The following SLC25A26 variants were observed in gnomAD, a reference collection of about 807,000 sequenced individuals.
The protein encoded by SLC25A26 is mitochondrial S-adenosylmethionine carrier protein.
SLC25A26 carries 36 observed loss-of-function variants against 37.8 expected under a neutral mutation model. The ratio of observed to expected loss-of-function variants is 0.95; its 90% CI spans 0.73 to 1.26. The LOEUF (loss-of-function observed/expected upper bound fraction) is 1.26, where lower values mean the gene tolerates loss of function less well. Among genes scored for constraint, SLC25A26 ranks in the 50% most tolerant of loss-of-function variants. The probability of loss-of-function intolerance (pLI) is 0.00; values close to 1 mark genes in which losing one functional copy is unlikely to be tolerated. For synonymous variants in SLC25A26, 129 were observed against 122.5 expected, an observed-to-expected ratio of 1.05 and a Z score of -0.35; for missense variants, 390 against 331.1, an observed-to-expected ratio of 1.18 and a Z score of -1.38.
At chr3:66,312,054 C>T (rs1407204043) in intron 5 of SLC25A26, among the ~76,000 whole-genome samples, 1 of 152,222 alleles carries the variant, frequency 6.6e-6, no homozygotes, top group Non-Finnish European at 1.5e-5. Context: ...TCAGAGCTGG[C>T]AGACAGGAAC....
intron 5 of SLC25A26, among the ~76,000 whole-genome samples, chr3:66,322,075 C>T (rs1258161282): frequency 6.6e-6 from 1 of 152,134 alleles, no homozygotes; most frequent in Non-Finnish European, 1.5e-5. Flanking sequence ...ATTTCCAGCA[C>T]ATGAACTTTG....
Position 66,180,815 on chromosome 3 carries a change from A to G in SLC25A26, c.-353-39927A>G, listed in dbSNP as rs187460959. ...AATGAAACGTGTCCCCCTCAGATTC[A>G]TGTGTTGAAGCCCTAACCCCCAGTG... On this transcript the variant is annotated intron_variant, in intron 1 of 10. Coordinates refer to the SLC25A26 transcript ENST00000676754. 9.2e-5 allele frequency among the ~76,000 whole-genome samples: 14 copies of G among 152,246 alleles called. No homozygotes were observed. The East Asian group carries it at 2.5e-3, about 27-fold the overall frequency.
chr3:66,178,155 G>A (rs778985310), intron 1 of SLC25A26, among the ~76,000 whole-genome samples: 2 of 152,110 alleles, frequency 1.3e-5, no homozygotes, highest in South Asian at 2.1e-4. Flanking sequence ...GAAGACAGAG[G>A]CCTGCTACTA....
At chr3:66,187,731 C>A (rs984738388) in intron 1 of SLC25A26, among the ~76,000 whole-genome samples, 1 of 150,640 alleles carries the variant, frequency 6.6e-6, no homozygotes, top group South Asian at 2.1e-4. Context: ...CACCCACACC[C>A]TGACCAACAC....
chr3:66,207,604 C>A (rs976581731), intron 1 of SLC25A26, among the ~76,000 whole-genome samples: 1 of 152,102 alleles, frequency 6.6e-6, no homozygotes, highest in African/African-American at 2.4e-5. Flanking sequence ...AATTCCTGCC[C>A]AAAGTAACTG....
At chr3:66,305,620 C>T (rs2075197371) in intron 5 of SLC25A26, among the ~76,000 whole-genome samples, 1 of 152,124 alleles carries the variant, frequency 6.6e-6, no homozygotes, top group Non-Finnish European at 1.5e-5. Context: ...CCCCCCACCC[C>T]ACCCTGTGAA....
rs939803456 is a variant in SLC25A26 at position 66,265,221 on chromosome 3, T to C, written c.453+1842T>C. Among the ~76,000 whole-genome samples the C allele has an allele frequency of 3.3e-5, 5 of 152,008 alleles. No individual in the cohort carries two copies. The East Asian group carries it at 9.6e-4, about 29-fold the overall frequency. On this transcript the variant is annotated intron_variant, in intron 5 of 9. Transcript: ENST00000354883. ...ACTTGGGAGGCCGAGGTGGGAGGAC[T>C]GCTTGAGCCTGGGATGTCGAGGCTG... is the stretch of plus-strand genomic sequence containing the variant.
chr3:66,372,399 T>C (rs889818661), intron 9 of SLC25A26, among the ~76,000 whole-genome samples: 3 of 152,144 alleles, frequency 2.0e-5, no homozygotes, highest in African/African-American at 7.2e-5. Flanking sequence ...GTAGGAGTTA[T>C]GTTGAGTAGA....
intron 3 of SLC25A26, among the ~76,000 whole-genome samples, chr3:66,258,732 A>G (rs2073403093): frequency 6.6e-6 from 1 of 152,036 alleles, no homozygotes; most frequent in African/African-American, 2.4e-5. Flanking sequence ...GCATGGTGGC[A>G]CCACCTACTC....
chr3:66,209,438 T>C (rs1472034110), intron 1 of SLC25A26, among the ~76,000 whole-genome samples: 3 of 140,382 alleles, frequency 2.1e-5, no homozygotes, highest in Non-Finnish European at 4.6e-5. Flanking sequence ...TATAGTCACA[T>C]AAAGATATAT....
intron 1 of SLC25A26, among the ~76,000 whole-genome samples, chr3:66,208,662 G>GTATATATATATA (rs1199617173): frequency 8.4e-6 from 1 of 118,380 alleles, no homozygotes; most frequent in Non-Finnish European, 1.7e-5. Flanking sequence ...CTTTATATGG[G>GTATATATATATA]TATATATATA....
intron 1 of SLC25A26, among the ~76,000 whole-genome samples, chr3:66,162,416 C>A (rs1391288923): frequency 1.3e-5 from 2 of 148,422 alleles, no homozygotes; most frequent in Non-Finnish European, 3.0e-5. Flanking sequence ...GGAGAAGTGA[C>A]TTCTAAGCTG....
At chr3:66,346,715 CGTGTGTGTGT>C (rs34944870) in intron 6 of SLC25A26, among the ~76,000 whole-genome samples, 3,733 of 138,956 alleles carry the variant, frequency 0.027, 128 homozygotes, top group African/African-American at 0.074. Flanking sequence ...TTGCTGTGTG[CGTGTGTGTGT>C]GTGTGTGTGT....
chr3:66,323,526 AT>A (rs1434680071), intron 5 of SLC25A26, among the ~76,000 whole-genome samples: 1 of 152,082 alleles, frequency 6.6e-6, no homozygotes, highest in African/African-American at 2.4e-5. Flanking sequence ...AGAGGCTGGG[AT>A]TTTTTAAAGA....
chr3:66,363,594 C>G (rs938740268), intron 7 of SLC25A26, among the ~76,000 whole-genome samples: 5 of 152,076 alleles, frequency 3.3e-5, no homozygotes, highest in Non-Finnish European at 7.4e-5. Flanking sequence ...GTTTAAAAGC[C>G]TAAGAGAGAA....
chr3:66,148,331 G>A (rs185134843), intron 1 of SLC25A26, among the ~76,000 whole-genome samples: 3 of 152,296 alleles, frequency 2.0e-5, no homozygotes, highest in East Asian at 3.9e-4. Context: ...GCATGATAAA[G>A]CACCCAGGGG....
intron 2 of SLC25A26, among the ~76,000 whole-genome samples, chr3:66,241,421 C>A (rs1211392023): frequency 6.6e-6 from 1 of 152,092 alleles, no homozygotes; most frequent in Non-Finnish European, 1.5e-5. Context: ...TTCTAAAGAT[C>A]CTTTTATCTT....
At chr3:66,241,895 A>G (rs1322255141) in intron 2 of SLC25A26, among the ~76,000 whole-genome samples, 1 of 151,278 alleles carries the variant, frequency 6.6e-6, no homozygotes, top group Non-Finnish European at 1.5e-5. Flanking sequence ...TTTGAAGGGA[A>G]TGTAGAGAAA....
At chr3:66,312,928 C>T (rs1053878228) in intron 5 of SLC25A26, among the ~76,000 whole-genome samples, 14 of 152,094 alleles carry the variant, frequency 9.2e-5, no homozygotes, top group Admixed American at 3.9e-4. Flanking sequence ...AGCTACATAT[C>T]GGAGCTGTTC....
Sources: allele counts gnomAD v4.1 joint callset (sites outside exome capture counted in the v4.1 genomes callset), GRCh38; gene constraint gnomAD v4.1.1; transcripts MANE v1.5; gene names NCBI Gene and HGNC (gene_info 2026-07-23, HGNC 2026-07-21).